Variants in PKN2 observed in about 807,000 individuals in gnomAD.
PKN2 encodes serine/threonine-protein kinase N2.
A neutral mutation model predicts 119.1 loss-of-function variants in PKN2; 38 were observed. That is an observed-to-expected ratio of 0.32 (90% confidence interval 0.25 to 0.42). The LOEUF (loss-of-function observed/expected upper bound fraction) is 0.42. Among genes scored for constraint, PKN2 ranks in the 10% least tolerant of loss-of-function variants. The pLI, the probability that PKN2 is intolerant of heterozygous loss-of-function variation, is 1.00. For synonymous variants in PKN2, 390 were observed against 384.9 expected (o/e 1.01, Z -0.15); for missense variants, 850 against 1,165.1 (o/e 0.73, Z 3.94).
chr1:88,693,665 C>T (rs59504552), intron 1 of PKN2, among the ~76,000 whole-genome samples: 8,527 of 152,106 alleles, frequency 0.056, 436 homozygotes, highest in African/African-American at 0.14. Context: ...GAGCTGGAAT[C>T]GTGTCATTGC....
chr1:88,829,196 A>C, intron 19 of PKN2: 1 of 738,044 alleles, frequency 1.4e-6, no homozygotes, highest in South Asian at 1.4e-5. Context: ...AATTTATTGT[A>C]AAAACAGAAC....
chr1:88,771,290 T>C, intron 4 of PKN2, 131 bp from the exon 5 acceptor site: 1 of 544,300 alleles, frequency 1.8e-6, no homozygotes, highest in Non-Finnish European at 3.1e-6. Flanking sequence ...AATATTTTTA[T>C]TTCAGTGTTT....
chr1:88,736,026 C>T (rs1490098740), intron 1 of PKN2, among the ~76,000 whole-genome samples: 3 of 152,078 alleles, frequency 2.0e-5, no homozygotes, highest in Non-Finnish European at 4.4e-5. Context: ...CCCTTTTACC[C>T]TTTTTTTAAT....
At chr1:88,760,085 TTATC>T in intron 2 of PKN2, 133 bp from the exon 3 acceptor site, 1 of 461,108 alleles carries the variant, frequency 2.2e-6, no homozygotes, top group Non-Finnish European at 3.8e-6. Context: ...AATTCATGGA[TTATC>T]TATAAGTATA....
intron 12 of PKN2, chr1:88,806,278 T>G (rs1419222409): frequency 5.1e-6 from 2 of 393,604 alleles, no homozygotes; most frequent in Non-Finnish European, 9.4e-6. Context: ...CAAGCCATTC[T>G]CCTATCTCAG....
intron 3 of PKN2, 23 bp downstream of exon 3, chr1:88,760,399 A>G (rs1409133442): frequency 3.0e-6 from 4 of 1,312,258 alleles, no homozygotes; most frequent in Non-Finnish European, 4.3e-6. Flanking sequence ...AATAAATGTA[A>G]CTATATAGTC....
At chr1:88,728,500 C>G (rs143910969) in intron 1 of PKN2, among the ~76,000 whole-genome samples, 1 of 152,140 alleles carries the variant, frequency 6.6e-6, no homozygotes, top group East Asian at 1.9e-4. Context: ...ACATACACTC[C>G]TGAGTGTAAG....
chr1:88,736,433 G>C (rs534885798), intron 1 of PKN2, among the ~76,000 whole-genome samples: 1 of 151,790 alleles, frequency 6.6e-6, no homozygotes, highest in Non-Finnish European at 1.5e-5. Context: ...GAATGATCTC[G>C]GCTCTCTGCA....
At chr1:88,794,017 A>T (rs1345280462) in intron 8 of PKN2, among the ~76,000 whole-genome samples, 1 of 152,192 alleles carries the variant, frequency 6.6e-6, no homozygotes, top group African/African-American at 2.4e-5. Flanking sequence ...GAACTCTGGT[A>T]TACCTTTACT....
intron 7 of PKN2, among the ~76,000 whole-genome samples, chr1:88,785,671 A>G (rs780719385): frequency 2.0e-5 from 3 of 152,194 alleles, no homozygotes; most frequent in Non-Finnish European, 4.4e-5. Context: ...AGTTCAGCCT[A>G]CCGTAGAATA....
In PKN2 at chr1:88,833,353, G is replaced by T; in HGVS notation, c.2860G>T (p.Ala954Ser). 6.2e-7 allele frequency: 1 copy of T among 1,612,722 alleles called. No homozygotes were observed. The highest frequency in any genetic ancestry group is 2.2e-5 in the East Asian group (1 of 44,868). The part of the protein sequence containing the change: ...SNFDDEFTSE[A>S]PILTPPREPR... ...TTTTGATGATGAATTTACCTCAGAAGCACCTATTCTGACTCCACCTCGAGA... is the reference window on the plus strand; with the variant it reads ...TTTTGATGATGAATTTACCTCAGAATCACCTATTCTGACTCCACCTCGAGA... Residue 954 changes from alanine to serine, a missense_variant, in exon 22 of 22, where the codon GCA becomes TCA. Ala to Ser is a moderately conservative substitution (Grantham distance 99). Coordinates refer to ENST00000370521, the MANE Select transcript of PKN2 (RefSeq NM_006256.4).
chr1:88,778,800 G>A (rs932849073), intron 6 of PKN2, among the ~76,000 whole-genome samples: 3 of 151,584 alleles, frequency 2.0e-5, no homozygotes, highest in East Asian at 1.9e-4. Context: ...TGCAAGCTCC[G>A]CCTCCTGGAT....
intron 8 of PKN2, among the ~76,000 whole-genome samples, chr1:88,791,020 C>A (rs1307523064): frequency 2.0e-5 from 3 of 152,186 alleles, no homozygotes; most frequent in Admixed American, 6.5e-5. Flanking sequence ...AAATTTTCTT[C>A]TTGAATTGTC....
intron 1 of PKN2, among the ~76,000 whole-genome samples, chr1:88,732,095 A>G (rs1467716079): frequency 2.0e-5 from 3 of 152,242 alleles, no homozygotes; most frequent in Non-Finnish European, 4.4e-5. Context: ...GGTCCCTTGT[A>G]GTAGAATTGT....
Position 88,770,395 on chromosome 1 carries a change from G to A in PKN2, c.548G>A (p.Ser183Asn). 6.2e-7 allele frequency: 1 copy of A among 1,613,586 alleles called. No individual in the cohort carries two copies. Among genetic ancestry groups the A allele is most frequent in the South Asian group, 1.1e-5 (1 of 91,068 alleles). ...HGTAQQLLQD[S>N]KTKIEVIRMQ... ...ACAGCTCAGCAACTGCTCCAGGACA[G>A]CAAGACAAAAATAGAAGTCATACGA... The change falls in exon 4 of 22, where the codon AGC becomes AAC. Residue 183 changes from serine to asparagine, a missense_variant. This residue lies in a region of PKN2 where 350 missense variants were observed against 511.1 expected (regional missense o/e 0.68). Coordinates refer to ENST00000370521, the MANE Select transcript of PKN2 (RefSeq NM_006256.4).
In PKN2 at chr1:88,719,785, T is replaced by G. The variant is rs142622385; in HGVS notation, c.49-21203T>G. On this transcript the variant is annotated intron_variant, in intron 1 of 21. Transcript: ENST00000370521. ...TTTCATCTTTTCAACATTCTTATTCTTACTGTCCATTGGCCACTTTTTGGC... is the reference window on the plus strand; with the variant it reads ...TTTCATCTTTTCAACATTCTTATTCGTACTGTCCATTGGCCACTTTTTGGC... 2.6e-3 allele frequency among the ~76,000 whole-genome samples: 394 copies of G among 152,304 alleles called. 3 individuals are homozygous for G. Among genetic ancestry groups the G allele is most frequent in the African/African-American group, 8.9e-3 (368 of 41,544 alleles).
intron 8 of PKN2, among the ~76,000 whole-genome samples, chr1:88,794,981 C>T (rs1671003985): frequency 6.6e-6 from 1 of 152,206 alleles, no homozygotes; most frequent in African/African-American, 2.4e-5. Context: ...TGAATGATCA[C>T]ATTTACTACT....
intron 6 of PKN2, chr1:88,781,184 AT>A: frequency 7.9e-7 from 1 of 1,272,134 alleles, no homozygotes; most frequent in Non-Finnish European, 1.0e-6. Context: ...GCTGTTCTGA[AT>A]TTTTCACTGC....
chr1:88,695,696 C>T (rs1352475520), intron 1 of PKN2, among the ~76,000 whole-genome samples: 1 of 152,120 alleles, frequency 6.6e-6, no homozygotes, highest in Non-Finnish European at 1.5e-5. Context: ...TTTATTTCTA[C>T]TGAATTTTAA....
Sources: allele counts gnomAD v4.1 joint callset (sites outside exome capture counted in the v4.1 genomes callset), GRCh38; gene constraint gnomAD v4.1.1; regional missense constraint gnomAD v4.1.1; transcripts MANE v1.5; gene names NCBI Gene and HGNC (gene_info 2026-07-23, HGNC 2026-07-21).